VPS54: variants seen among roughly 807,000 people sequenced by gnomAD.
VPS54 encodes vacuolar protein sorting-associated protein 54.
VPS54 carries 45 observed loss-of-function variants against 121.5 expected under a neutral mutation model. The observed-to-expected ratio is 0.37, with a 90% confidence interval of 0.29 to 0.47. The LOEUF is 0.47. VPS54 is among the 20% of genes least tolerant of loss of function. VPS54 has a pLI of 0.99. For synonymous variants in VPS54, 371 were observed against 385.8 expected, an observed-to-expected ratio of 0.96 and a Z score of 0.45; for missense variants, 1,090 against 1,131.4, an observed-to-expected ratio of 0.96 and a Z score of 0.52.
At position 63,933,782 on chromosome 2, in the gene VPS54, T is replaced by C. The variant is rs2104485728; in HGVS notation, c.1630A>G (p.Ser544Gly). 1 of 1,613,914 alleles carries C rather than the reference T, an allele frequency of 6.2e-7. No individual in the cohort carries two copies. Among genetic ancestry groups the C allele is most frequent in the Non-Finnish European group, 8.5e-7 (1 of 1,179,852 alleles). ...TTSQRNASPN[S>G]EPCSSDSVSE... is the part of the protein sequence containing the mutation. Reference sequence around the variant, plus strand: ...ACAGAATCACTGCTGCAGGGCTCACTATTTGGAGATGCATTTCTTTGAGAG... The same window carrying C: ...ACAGAATCACTGCTGCAGGGCTCACCATTTGGAGATGCATTTCTTTGAGAG... Residue 544 changes from serine to glycine, a missense_variant, in exon 12 of 23, where the codon AGT (serine) becomes GGT (glycine). This residue lies in a region of VPS54 where 801 missense variants were observed against 757.0 expected (regional missense o/e 1.06). Coordinates refer to ENST00000272322, the MANE Select transcript of VPS54 (RefSeq NM_016516.3).
At chr2:64,008,270 C>T (rs939466725) in intron 1 of VPS54, among the ~76,000 whole-genome samples, 9 of 151,938 alleles carry the variant, frequency 5.9e-5, no homozygotes, top group Non-Finnish European at 8.8e-5. Flanking sequence ...AAAAATTAGC[C>T]GGGCATGGTG....
chr2:63,989,157 C>A (rs755664223), intron 1 of VPS54, among the ~76,000 whole-genome samples: 1 of 152,174 alleles, frequency 6.6e-6, no homozygotes, highest in Non-Finnish European at 1.5e-5. Context: ...CGGCTATCTT[C>A]TCTCAAACCC....
rs147211317 is a variant in VPS54, at chr2:63,944,980, G to A, written c.1246-325C>T. Among the ~76,000 whole-genome samples the A allele has an allele frequency of 3.4e-3, 520 of 152,258 alleles. 7 individuals carry two copies. Among genetic ancestry groups the A allele is most frequent in the African/African-American group, 0.011 (473 of 41,542 alleles). The stretch of plus-strand genomic sequence containing the variant: ...CAACCATTGTGGAAGACAGTGTAGC[G>A]ATTCCTCAAAGACCTAAAGAGAGAA... On this transcript the variant is annotated intron_variant, in intron 9 of 22. Coordinates refer to ENST00000272322, the MANE Select transcript of VPS54 (RefSeq NM_016516.3).
chr2:63,922,743 G>C lies in VPS54; in HGVS notation c.1740-1408C>G, dbSNP rs11125987. Among the ~76,000 whole-genome samples, 120 of 152,006 alleles carry C rather than the reference G, an allele frequency of 7.9e-4. 3 individuals are homozygous for C. The South Asian group carries it at 0.024, about 31-fold the overall frequency. ...ACAGTCTAGTAGTATTTCAAAACAG[G>C]ATACCTGCAAAATTCTTGCTTAAAT... On this transcript the variant is annotated intron_variant, in intron 12 of 22. Transcript: ENST00000272322.
At chr2:64,002,276 T>C (rs1677918717) in intron 1 of VPS54, among the ~76,000 whole-genome samples, 2 of 152,230 alleles carry the variant, frequency 1.3e-5, no homozygotes, top group Admixed American at 6.5e-5. Flanking sequence ...AGTGCTTCTT[T>C]GGGCAATATG....
intron 1 of VPS54, among the ~76,000 whole-genome samples, chr2:63,997,330 T>C (rs989804888): frequency 2.3e-4 from 35 of 152,208 alleles, no homozygotes; most frequent in African/African-American, 8.2e-4. Context: ...CCATTCAGGT[T>C]CTGGACTTTT....
At chr2:63,956,428 G>C (rs1422370412) in intron 7 of VPS54, among the ~76,000 whole-genome samples, 1 of 152,126 alleles carries the variant, frequency 6.6e-6, no homozygotes, top group Non-Finnish European at 1.5e-5. Flanking sequence ...AAACAAGCTA[G>C]CTGCAGTAAT....
intron 7 of VPS54, among the ~76,000 whole-genome samples, chr2:63,959,492 T>C (rs1040724535): frequency 6.6e-6 from 1 of 152,142 alleles, no homozygotes; most frequent in Non-Finnish European, 1.5e-5. Context: ...ATGTTTTACA[T>C]GAAGAAATAA....
intron 5 of VPS54, among the ~76,000 whole-genome samples, chr2:63,966,391 T>C (rs927598163): frequency 4.6e-5 from 7 of 152,240 alleles, no homozygotes; most frequent in African/African-American, 1.7e-4. Flanking sequence ...AAAATTAGTT[T>C]AGATTAAGCA....
At position 63,921,238 on chromosome 2, in the gene VPS54, G is replaced by A. The variant is rs1673630527; in HGVS notation, c.1837C>T (p.Arg613Ter). 1.9e-6 allele frequency: 3 copies of A among 1,609,194 alleles called. No homozygotes were observed. Among genetic ancestry groups the A allele is most frequent in the Non-Finnish European group, 2.5e-6 (3 of 1,177,130 alleles). ...CTTGACATGAGAAATTTGACAGCTC[G>A]ATCATGGCATATATCTGAGGCACTA... is the stretch of plus-strand genomic sequence containing the variant. ...LYSASDICHD[R>*]AVKFLMSRAK... The change falls in exon 13 of 23, where the codon CGA (arginine) becomes TGA (stop). Residue 613 changes from arginine (R) to a stop codon, truncating the protein, a stop_gained. Coordinates refer to ENST00000272322, the MANE Select transcript of VPS54 (RefSeq NM_016516.3). LOFTEE classifies it high-confidence loss of function.
At chr2:63,946,124 A>G (rs1438827554) in intron 9 of VPS54, among the ~76,000 whole-genome samples, 1 of 152,132 alleles carries the variant, frequency 6.6e-6, no homozygotes. Flanking sequence ...TGAGTTTTAC[A>G]TAAGTGGAAT....
intron 6 of VPS54, 137 bp from the exon 7 acceptor site, chr2:63,962,580 T>C (rs1407756283): frequency 3.5e-6 from 4 of 1,131,806 alleles, no homozygotes; most frequent in African/African-American, 3.2e-5. Context: ...TGTGAGATCC[T>C]TGAAATTGGG....
intron 1 of VPS54, among the ~76,000 whole-genome samples, chr2:64,002,802 G>C (rs1389594001): frequency 6.6e-6 from 1 of 152,150 alleles, no homozygotes; most frequent in Non-Finnish European, 1.5e-5. Context: ...AAGATCTCTA[G>C]TAAAAGGGGA....
chr2:63,899,298 A>T (rs1672575792), intron 21 of VPS54, among the ~76,000 whole-genome samples, 176 bp downstream of exon 21: 1 of 152,226 alleles, frequency 6.6e-6, no homozygotes, highest in South Asian at 2.1e-4. Flanking sequence ...TGCAAGGAGC[A>T]CTTAGAAATT....
At position 63,942,577 on chromosome 2, in the gene VPS54, T is replaced by C. The variant is rs185598729; in HGVS notation, c.1302-16A>G. ...ATCTGCAAGCCTAGAAAAAAATAAT[T>C]CAAACAAAAATAATGATTGTCTCTG... On this transcript the variant is annotated splice_polypyrimidine_tract_variant and intron_variant, in intron 10 of 22. Coordinates refer to ENST00000272322, the MANE Select transcript of VPS54 (RefSeq NM_016516.3). 2.8e-4 allele frequency: 428 copies of C among 1,556,364 alleles called. No homozygotes were observed. The African/African-American group carries it at 5.4e-3, about 19-fold the overall frequency.
chr2:64,003,932 A>T (rs970005715), intron 1 of VPS54, among the ~76,000 whole-genome samples: 6 of 152,200 alleles, frequency 3.9e-5, no homozygotes, highest in African/African-American at 1.4e-4. Context: ...TAAAAGAACC[A>T]GGACTCTTTG....
intron 1 of VPS54, among the ~76,000 whole-genome samples, chr2:63,999,617 A>C (rs1361469508): frequency 6.6e-6 from 1 of 152,074 alleles, no homozygotes; most frequent in Non-Finnish European, 1.5e-5. Context: ...TTGTACTTGG[A>C]TATTAATATC....
intron 1 of VPS54, among the ~76,000 whole-genome samples, chr2:64,009,419 G>A (rs188024145): frequency 3.3e-5 from 5 of 152,024 alleles, no homozygotes; most frequent in Non-Finnish European, 5.9e-5. Flanking sequence ...GGGTTCAAGC[G>A]ATTCTCCTGC....
chr2:63,985,273 C>T (rs995252473), intron 1 of VPS54, among the ~76,000 whole-genome samples: 1 of 152,198 alleles, frequency 6.6e-6, no homozygotes, highest in Middle Eastern at 3.4e-3. Context: ...GAGCCAAGAT[C>T]ACGCCACTAT....
Sources: allele counts gnomAD v4.1 joint callset (sites outside exome capture counted in the v4.1 genomes callset), GRCh38; gene constraint gnomAD v4.1.1; regional missense constraint gnomAD v4.1.1; transcripts MANE v1.5; gene names NCBI Gene and HGNC (gene_info 2026-07-23, HGNC 2026-07-21).